Variants in GPC5 observed in about 807,000 individuals in gnomAD.
The protein encoded by GPC5 is glypican 5.
A neutral mutation model predicts 53.9 loss-of-function variants in GPC5; 47 were observed. The observed-to-expected ratio is 0.87, with a 90% CI of 0.69 to 1.11. The LOEUF (loss-of-function observed/expected upper bound fraction) is 1.11, where lower values mean the gene tolerates loss of function less well. GPC5 is among the 50% of genes most tolerant of loss of function. GPC5 has a pLI of 0.00. For synonymous variants in GPC5, 286 were observed against 263.3 expected (o/e 1.09, Z -0.84); for missense variants, 748 against 713.1 (o/e 1.05, Z -0.56).
intron 5 of GPC5, among the ~76,000 whole-genome samples, chr13:91,851,063 A>T (rs2038907422): frequency 6.6e-6 from 1 of 152,176 alleles, no homozygotes; most frequent in African/African-American, 2.4e-5. Flanking sequence ...GGCACTACAA[A>T]TGCACATAAA....
intron 2 of GPC5, among the ~76,000 whole-genome samples, chr13:91,503,114 A>G (rs1490295644): frequency 6.6e-6 from 1 of 152,236 alleles, no homozygotes; most frequent in Non-Finnish European, 1.5e-5. Context: ...TGCATGCTTC[A>G]TTAAAAAATA....
At chr13:91,861,399 G>A (rs9523437) in intron 5 of GPC5, among the ~76,000 whole-genome samples, 49,911 of 151,840 alleles carry the variant, frequency 0.33, 9,710 homozygotes, top group East Asian at 0.64. Context: ...TTATTATTAA[G>A]TCAGTGCCCC....
intron 7 of GPC5, among the ~76,000 whole-genome samples, chr13:92,191,120 A>T (rs1216458604): frequency 6.6e-6 from 1 of 152,114 alleles, no homozygotes; most frequent in East Asian, 1.9e-4. Flanking sequence ...GGAGATAAAA[A>T]AGGGGCATTA....
intron 2 of GPC5, among the ~76,000 whole-genome samples, chr13:91,680,242 C>T (rs565599475): frequency 6.6e-5 from 10 of 152,060 alleles, no homozygotes; most frequent in African/African-American, 1.7e-4. Flanking sequence ...TGAGGTCAGG[C>T]GTTCTAGACC....
chr13:92,350,875 T>C (rs1184879011), intron 7 of GPC5, among the ~76,000 whole-genome samples: 1 of 152,072 alleles, frequency 6.6e-6, no homozygotes, highest in African/African-American at 2.4e-5. Context: ...ATAAGTCACT[T>C]ATAAAGGAAT....
chr13:92,551,488 A>G (rs1882309951), intron 7 of GPC5, among the ~76,000 whole-genome samples: 1 of 152,016 alleles, frequency 6.6e-6, no homozygotes, highest in East Asian at 1.9e-4. Flanking sequence ...CTTTGCAAAA[A>G]CAGAGAATTC....
At chr13:92,639,104 C>A (rs1479859475) in intron 7 of GPC5, among the ~76,000 whole-genome samples, 1 of 152,140 alleles carries the variant, frequency 6.6e-6, no homozygotes, top group Admixed American at 6.5e-5. Flanking sequence ...GTTCAGTAAA[C>A]ATTTTTAGTA....
chr13:91,481,245 T>C (rs920353868), intron 2 of GPC5, among the ~76,000 whole-genome samples: 3 of 152,238 alleles, frequency 2.0e-5, no homozygotes, highest in Non-Finnish European at 2.9e-5. Flanking sequence ...GTAGTATTTC[T>C]AATCTTGTTC....
chr13:91,782,752 C>T (rs749327400), intron 5 of GPC5, among the ~76,000 whole-genome samples: 1 of 152,110 alleles, frequency 6.6e-6, no homozygotes, highest in Non-Finnish European at 1.5e-5. Context: ...GTATTTTCCT[C>T]ATTTTATATG....
chr13:91,964,062 A>G (rs1764125255), intron 6 of GPC5, among the ~76,000 whole-genome samples: 1 of 152,230 alleles, frequency 6.6e-6, no homozygotes, highest in East Asian at 1.9e-4. Flanking sequence ...TCGCGGTGTT[A>G]CAGTTCTTAA....
chr13:92,670,451 A>G (rs1291702497), intron 7 of GPC5, among the ~76,000 whole-genome samples: 3 of 152,210 alleles, frequency 2.0e-5, no homozygotes, highest in Non-Finnish European at 2.9e-5. Context: ...TAGTTTCTCT[A>G]AATGTCTCAC....
At chr13:91,500,330 T>G (rs1017521029) in intron 2 of GPC5, among the ~76,000 whole-genome samples, 2 of 152,210 alleles carry the variant, frequency 1.3e-5, no homozygotes, top group African/African-American at 4.8e-5. Flanking sequence ...AGAAGTCTCT[T>G]TTTCCAGGTA....
intron 5 of GPC5, among the ~76,000 whole-genome samples, chr13:91,886,717 G>C (rs187779227): frequency 1.1e-4 from 16 of 152,314 alleles, no homozygotes; most frequent in Admixed American, 7.8e-4. Context: ...AAATCCAATA[G>C]AGCAGTCATT....
chr13:92,452,113 GA>G (rs1165630467), intron 7 of GPC5, among the ~76,000 whole-genome samples: 1 of 152,120 alleles, frequency 6.6e-6, no homozygotes, highest in Non-Finnish European at 1.5e-5. Context: ...CCCTCATTGA[GA>G]GATAATTAAC....
chr13:92,140,590 T>G (rs912246142), intron 6 of GPC5, among the ~76,000 whole-genome samples: 5 of 152,238 alleles, frequency 3.3e-5, no homozygotes, highest in Admixed American at 6.5e-5. Context: ...GTGACCCATC[T>G]TTTTGGATTG....
intron 6 of GPC5, among the ~76,000 whole-genome samples, chr13:92,097,240 G>A (rs1210422470): frequency 6.6e-6 from 1 of 152,166 alleles, no homozygotes; most frequent in Non-Finnish European, 1.5e-5. Flanking sequence ...TTTAGCTGAA[G>A]AGGTTTCCTA....
chr13:92,412,157 T>A (rs750247675), intron 7 of GPC5, among the ~76,000 whole-genome samples: 24 of 152,224 alleles, frequency 1.6e-4, no homozygotes, highest in Non-Finnish European at 3.4e-4. Context: ...TGAGAATAGT[T>A]GAAAAAACTC....
chr13:92,663,876 A>AC (rs1485011981), intron 7 of GPC5, among the ~76,000 whole-genome samples: 1 of 56,146 alleles, frequency 1.8e-5, no homozygotes, highest in Admixed American at 2.3e-4. Flanking sequence ...ATATATATAT[A>AC]TATATATATA....
At chr13:92,347,875 AT>A (rs2043431088) in intron 7 of GPC5, among the ~76,000 whole-genome samples, 1 of 1,734 alleles carries the variant, frequency 5.8e-4, no homozygotes, top group African/African-American at 1.9e-3. Context: ...TATATATATA[AT>A]ATATATTATA....
Sources: allele counts gnomAD v4.1 joint callset (sites outside exome capture counted in the v4.1 genomes callset), GRCh38; gene constraint gnomAD v4.1.1; transcripts MANE v1.5; gene names NCBI Gene and HGNC (gene_info 2026-07-23, HGNC 2026-07-21).